Variants in BBOX1 observed in about 807,000 individuals in gnomAD.
BBOX1 encodes the protein gamma-butyrobetaine hydroxylase 1.
BBOX1 carries 35 observed loss-of-function variants against 41.6 expected under a neutral mutation model. That is an observed-to-expected ratio of 0.84 (90% CI 0.64 to 1.11). The LOEUF (loss-of-function observed/expected upper bound fraction) is 1.11. Ranked by LOEUF, BBOX1 falls within the 50% of genes most tolerant of loss-of-function variation. The pLI, the probability that BBOX1 is intolerant of heterozygous loss-of-function variation, is 0.00. For synonymous variants in BBOX1, 163 were observed against 154.7 expected (o/e 1.05, Z -0.40); for missense variants, 458 against 460.6 (o/e 0.99, Z 0.05).
At chr11:27,105,291 G>A (rs76920859) in intron 5 of BBOX1, among the ~76,000 whole-genome samples, 23,590 of 152,060 alleles carry the variant, frequency 0.16, 2,178 homozygotes, top group Middle Eastern at 0.24. Flanking sequence ...AAACTTCTCC[G>A]AGCTAAATAA....
chr11:27,089,518 A>T (rs1858162700), intron 4 of BBOX1, among the ~76,000 whole-genome samples: 1 of 152,094 alleles, frequency 6.6e-6, no homozygotes, highest in Non-Finnish European at 1.5e-5. Flanking sequence ...CAGTCTACAT[A>T]GGAATAGAAA....
intron 5 of BBOX1, among the ~76,000 whole-genome samples, chr11:27,095,215 A>T (rs1858395241): frequency 6.6e-6 from 1 of 151,950 alleles, no homozygotes; most frequent in Admixed American, 6.6e-5. Context: ...AAGTCGTTTT[A>T]CTTAGTTTTT....
intron 4 of BBOX1, among the ~76,000 whole-genome samples, chr11:27,089,381 C>T (rs921611673): frequency 1.3e-5 from 2 of 151,782 alleles, no homozygotes; most frequent in African/African-American, 4.8e-5. Flanking sequence ...GCTTTACTCT[C>T]AATAGGAAAC....
intron 5 of BBOX1, among the ~76,000 whole-genome samples, chr11:27,113,454 C>T (rs565134781): frequency 2.0e-5 from 3 of 151,816 alleles, no homozygotes. Flanking sequence ...ACATATACAC[C>T]ATGGAATACT....
At position 27,079,015 on chromosome 11, in the gene BBOX1, G is replaced by A. The variant is rs142883550; in HGVS notation, c.335-14153G>A. Reference sequence around the variant, plus strand: ...CTCCCCTTTTTCTTCTAGTTAAAGCGCCATAAACATAAGAGCAAAGGCACG... The same window carrying A: ...CTCCCCTTTTTCTTCTAGTTAAAGCACCATAAACATAAGAGCAAAGGCACG... On this transcript the variant is annotated intron_variant, in intron 4 of 8. Coordinates refer to ENST00000263182, the MANE Select transcript of BBOX1 (RefSeq NM_003986.3). Among the ~76,000 whole-genome samples, 537 of 152,132 alleles carry A rather than the reference G, an allele frequency of 3.5e-3. 4 individuals are homozygous for A. Among genetic ancestry groups the A allele is most frequent in the African/African-American group, 8.1e-3 (335 of 41,520 alleles).
chr11:27,065,815 A>G (rs1394604933), intron 4 of BBOX1, among the ~76,000 whole-genome samples: 1 of 145,462 alleles, frequency 6.9e-6, no homozygotes, highest in East Asian at 1.9e-4. Context: ...AGTAAGAGGT[A>G]TATTAATTAT....
intron 2 of BBOX1, chr11:27,047,201 G>A (rs10767596): frequency 0.53 from 80,030 of 151,842 alleles, 21,452 homozygotes; most frequent in African/African-American, 0.64. Flanking sequence ...TCCTGACATC[G>A]CCTCTCTTGG....
intron 5 of BBOX1, among the ~76,000 whole-genome samples, chr11:27,103,632 T>C (rs1261417408): frequency 2.0e-5 from 3 of 152,050 alleles, no homozygotes; most frequent in Admixed American, 6.5e-5. Context: ...CTAATTCTGA[T>C]GTAGGTTATT....
chr11:27,072,551 A>G (rs1857489032), intron 4 of BBOX1, among the ~76,000 whole-genome samples: 1 of 152,238 alleles, frequency 6.6e-6, no homozygotes, highest in South Asian at 2.1e-4. Context: ...TGACTTCGTC[A>G]CAGAATTGGA....
intron 5 of BBOX1, among the ~76,000 whole-genome samples, chr11:27,109,452 C>G (rs1353865649): frequency 6.6e-6 from 1 of 151,898 alleles, no homozygotes; most frequent in African/African-American, 2.4e-5. Context: ...CCGTTTGAAC[C>G]TAAAGACCAA....
At chr11:27,046,611 G>A (rs888481808) in intron 2 of BBOX1, among the ~76,000 whole-genome samples, 16 of 152,084 alleles carry the variant, frequency 1.1e-4, no homozygotes, top group Non-Finnish European at 2.9e-5. Flanking sequence ...ACAATTGTAA[G>A]AAGAAAAATA....
At chr11:27,110,907 AT>A (rs2134084828) in intron 5 of BBOX1, among the ~76,000 whole-genome samples, 1 of 151,868 alleles carries the variant, frequency 6.6e-6, no homozygotes, top group South Asian at 2.1e-4. Context: ...TATAGTGAAC[AT>A]TTTTCAAGCC....
At chr11:27,071,296 G>A (rs904855142) in intron 4 of BBOX1, among the ~76,000 whole-genome samples, 1 of 151,680 alleles carries the variant, frequency 6.6e-6, no homozygotes, top group Non-Finnish European at 1.5e-5. Context: ...GCAGGAGAAT[G>A]GCATGAACCT....
intron 5 of BBOX1, among the ~76,000 whole-genome samples, chr11:27,103,081 T>C (rs940318469): frequency 6.6e-6 from 1 of 151,936 alleles, no homozygotes; most frequent in African/African-American, 2.4e-5. Context: ...TTCCAGCTAC[T>C]TGGGAGGCCG....
chr11:27,046,439 G>GACACACACAC (rs34097371), intron 2 of BBOX1, among the ~76,000 whole-genome samples: 8 of 149,742 alleles, frequency 5.3e-5, no homozygotes, highest in South Asian at 2.1e-4. Context: ...ACACACCACA[G>GACACACACAC]ACACACACAC....
At chr11:27,097,283 T>G (rs1177450568) in intron 5 of BBOX1, among the ~76,000 whole-genome samples, 2 of 152,054 alleles carry the variant, frequency 1.3e-5, no homozygotes, top group Non-Finnish European at 2.9e-5. Flanking sequence ...AAGGTGATAT[T>G]ATTGAATAAA....
intron 8 of BBOX1, among the ~76,000 whole-genome samples, chr11:27,126,742 C>T (rs1859670923): frequency 6.9e-6 from 1 of 144,026 alleles, no homozygotes; most frequent in Admixed American, 7.2e-5. Flanking sequence ...GTGGCGTGAT[C>T]TCGGCTCACT....
At chr11:27,085,643 T>C in intron 4 of BBOX1, among the ~76,000 whole-genome samples, 1 of 150,854 alleles carries the variant, frequency 6.6e-6, no homozygotes, top group East Asian at 2.0e-4. Context: ...GTTAGGCAAA[T>C]TAATAACCCC....
intron 4 of BBOX1, among the ~76,000 whole-genome samples, chr11:27,066,230 T>C (rs1590179122): frequency 6.6e-6 from 1 of 152,126 alleles, no homozygotes; most frequent in Non-Finnish European, 1.5e-5. Context: ...GGTTTTTGTT[T>C]TGTTTTGTTT....
Sources: allele counts gnomAD v4.1 joint callset (sites outside exome capture counted in the v4.1 genomes callset), GRCh38; gene constraint gnomAD v4.1.1; transcripts MANE v1.5; gene names NCBI Gene and HGNC (gene_info 2026-07-23, HGNC 2026-07-21).